ARFGEF3: variants seen among roughly 807,000 people sequenced by gnomAD.
The protein encoded by ARFGEF3 is brefeldin A-inhibited guanine nucleotide-exchange protein 3.
ARFGEF3 carries 96 observed loss-of-function variants against 221.7 expected under a neutral mutation model. That is an observed-to-expected ratio of 0.43 (90% confidence interval 0.37 to 0.51). ARFGEF3 has a LOEUF of 0.51. ARFGEF3 is among the 20% of genes least tolerant of loss of function. The probability of loss-of-function intolerance (pLI) is 0.00; values close to 1 mark genes in which losing one functional copy is unlikely to be tolerated. For missense variants in ARFGEF3, 2,410 were observed against 2,789.9 expected (o/e 0.86, Z 3.07); for synonymous variants, 1,145 against 1,126.8 (o/e 1.02, Z -0.32).
chr6:138,295,178 A>G (rs571980259), intron 20 of ARFGEF3, among the ~76,000 whole-genome samples: 4 of 152,288 alleles, frequency 2.6e-5, no homozygotes, highest in Admixed American at 1.3e-4. Context: ...ATCTAGAAAG[A>G]GGGAGACTTA....
rs6937474 is a variant in ARFGEF3 at position 138,174,000 on chromosome 6, G to T, written c.137+3287G>T. Among the ~76,000 whole-genome samples the T allele has an allele frequency of 6.4e-3, 971 of 152,262 alleles. 10 individuals carry two copies. Among genetic ancestry groups the T allele is most frequent in the African/African-American group, 0.022 (905 of 41,556 alleles). ...ACAATGAGATCTATCAAGCATTCTT[G>T]TACAGAGAATTGAACCATATGAATG... On this transcript the variant is annotated intron_variant, in intron 2 of 33. Coordinates refer to ENST00000251691, the MANE Select transcript of ARFGEF3 (RefSeq NM_020340.5).
chr6:138,234,281 C>A (rs985166997), intron 5 of ARFGEF3, among the ~76,000 whole-genome samples: 1 of 152,080 alleles, frequency 6.6e-6, no homozygotes, highest in Admixed American at 6.6e-5. Flanking sequence ...TTTTAATATG[C>A]CAACTTAAGC....
At chr6:138,176,372 G>A (rs563155170) in intron 2 of ARFGEF3, among the ~76,000 whole-genome samples, 81 of 152,070 alleles carry the variant, frequency 5.3e-4, no homozygotes, top group African/African-American at 1.9e-3. Flanking sequence ...TAGTAGAGAC[G>A]GAGTTTCACC....
chr6:138,203,205 C>T (rs1777568004), intron 2 of ARFGEF3, among the ~76,000 whole-genome samples: 1 of 152,064 alleles, frequency 6.6e-6, no homozygotes. Context: ...TTAAGAAGCA[C>T]ATCTATTCTA....
intron 2 of ARFGEF3, 28 bp from the exon 3 acceptor site, chr6:138,207,014 A>G: frequency 6.3e-7 from 1 of 1,580,686 alleles, no homozygotes; most frequent in Non-Finnish European, 8.6e-7. Flanking sequence ...CTGAGCTCAC[A>G]TGTTGTCCTT....
chr6:138,176,216 G>A (rs1228146709), intron 2 of ARFGEF3, among the ~76,000 whole-genome samples: 4 of 137,750 alleles, frequency 2.9e-5, no homozygotes, highest in African/African-American at 8.1e-5. Context: ...GAGTCTTGCT[G>A]TGTCACCCAG....
Position 138,278,457 on chromosome 6 carries a change from T to G in ARFGEF3, c.2135T>G (p.Met712Arg). 1 of 1,613,856 alleles carries G rather than the reference T, an allele frequency of 6.2e-7. No homozygotes were observed. Reference protein sequence around the residue: ...NFASTFCSGMMHSPGFDGNSS... With the variant: ...NFASTFCSGMRHSPGFDGNSS... The stretch of plus-strand genomic sequence containing the variant: ...CCTTCATTGTCTCCCTTAGGCATGA[T>G]GCACTCTCCTGGCTTTGACGGGAAT... Residue 712 changes from methionine (M) to arginine (R), a missense_variant, in exon 13 of 34, where the codon ATG (methionine) becomes AGG (arginine). Met to Arg is a moderately conservative substitution (Grantham distance 91). Transcript: ENST00000251691.
intron 3 of ARFGEF3, among the ~76,000 whole-genome samples, chr6:138,207,566 T>C (rs1253767397): frequency 6.6e-6 from 1 of 152,250 alleles, no homozygotes; most frequent in African/African-American, 2.4e-5. Context: ...TGGATTATTA[T>C]CTTTTATGTC....
intron 5 of ARFGEF3, among the ~76,000 whole-genome samples, chr6:138,233,853 G>A (rs1298815703): frequency 2.0e-5 from 3 of 152,102 alleles, no homozygotes; most frequent in African/African-American, 7.2e-5. Context: ...AGACTGGGAG[G>A]AGTAACCCCA....
chr6:138,276,063 C>T (rs750123428), intron 12 of ARFGEF3, among the ~76,000 whole-genome samples: 1 of 152,136 alleles, frequency 6.6e-6, no homozygotes. Context: ...GAACAAATGG[C>T]GCATTCATTG....
chr6:138,161,970 TG>T lies in ARFGEF3; in HGVS notation c.-112del. 2 of 372,784 alleles carry T rather than the reference TG, an allele frequency of 5.4e-6. No individual in the cohort carries two copies. The highest frequency in any genetic ancestry group is 8.7e-6 in the Non-Finnish European group (2 of 230,504). 23.1% of individuals were successfully genotyped at this position (372,784 alleles called of 1,614,324 possible). A position where few individuals can be genotyped will look rare whatever the true frequency, so the allele number is the denominator to read the frequency against. Reference sequence around the variant, plus strand: ...CATCAGCATCCGCGCCGGGGCGGCATGGGGGCGCGCGCGGCGGCCGCCTAGG... The same window carrying T: ...CATCAGCATCCGCGCCGGGGCGGCATGGGGCGCGCGCGGCGGCCGCCTAGG... On this transcript the variant is annotated 5_prime_UTR_variant, in exon 1 of 34. The change abolishes the stop of an existing upstream ORF in the 5' untranslated region. Coordinates refer to ENST00000251691, the MANE Select transcript of ARFGEF3 (RefSeq NM_020340.5).
At chr6:138,254,104 A>G (rs1275029058) in intron 9 of ARFGEF3, 120 bp downstream of exon 9, 8 of 623,686 alleles carry the variant, frequency 1.3e-5, no homozygotes, top group Non-Finnish European at 2.1e-5. Flanking sequence ...ATCTGTGCGT[A>G]AATGTCTTAG....
In ARFGEF3 at chr6:138,324,040, C is replaced by A. The variant is rs766879048; in HGVS notation, c.4887C>A (p.Phe1629Leu). ...LKPVKDLLGC[F>L]HSGTESFSGE... is the part of the protein sequence containing the mutation. ...CTCCCCAGGACCTGCTGGGCTGCTTCCACAGCGGCACGGAGAGCTTCAGCG... is the reference window on the plus strand; with the variant it reads ...CTCCCCAGGACCTGCTGGGCTGCTTACACAGCGGCACGGAGAGCTTCAGCG... The change falls in exon 31 of 34, where the codon TTC (phenylalanine) becomes TTA (leucine). Residue 1629 changes from phenylalanine (F) to leucine (L), a missense_variant. Coordinates refer to ENST00000251691, the MANE Select transcript of ARFGEF3 (RefSeq NM_020340.5). The A allele has an allele frequency of 6.2e-7, 1 of 1,613,774 alleles. No homozygotes were observed. Among genetic ancestry groups the A allele is most frequent in the Non-Finnish European group, 8.5e-7 (1 of 1,179,826 alleles).
intron 12 of ARFGEF3, among the ~76,000 whole-genome samples, chr6:138,265,958 G>A (rs1167116777): frequency 2.6e-5 from 4 of 151,978 alleles, no homozygotes; most frequent in African/African-American, 9.7e-5. Flanking sequence ...GCTCACACCT[G>A]CCATCCCAGC....
At chr6:138,247,217 C>G (rs1778500111) in intron 8 of ARFGEF3, among the ~76,000 whole-genome samples, 1 of 152,088 alleles carries the variant, frequency 6.6e-6, no homozygotes, top group Non-Finnish European at 1.5e-5. Flanking sequence ...GCTTAGGTGC[C>G]CATCTTTCCT....
chr6:138,203,120 C>T (rs1362119133), intron 2 of ARFGEF3, among the ~76,000 whole-genome samples: 1 of 151,946 alleles, frequency 6.6e-6, no homozygotes, highest in African/African-American at 2.4e-5. Context: ...TGATAGGCAC[C>T]CTCCTCTAGG....
chr6:138,207,011 C>T, intron 2 of ARFGEF3, 31 bp from the exon 3 acceptor site: 1 of 1,571,776 alleles, frequency 6.4e-7, no homozygotes, highest in South Asian at 1.2e-5. Context: ...TTACTGAGCT[C>T]ACATGTTGTC....
intron 2 of ARFGEF3, among the ~76,000 whole-genome samples, chr6:138,186,952 G>T (rs554613055): frequency 4.2e-5 from 3 of 71,438 alleles, no homozygotes; most frequent in Non-Finnish European, 7.8e-5. Flanking sequence ...TTTCACTCTT[G>T]TTGCCCAGGC....
Position 138,328,172 on chromosome 6 carries a change from G to A in ARFGEF3, c.5123+30G>A, listed in dbSNP as rs887607240. 3.9e-6 allele frequency: 6 copies of A among 1,557,934 alleles called. No homozygotes were observed. The African/African-American group carries it at 8.2e-5, about 21-fold the overall frequency. ...GTACCTAAATCTCAACTCATAGGGT[G>A]CTTATAAATAAGAATGTTCATTCAC... is the stretch of plus-strand genomic sequence containing the variant. On this transcript the variant is annotated intron_variant, in intron 32 of 33. Transcript: ENST00000251691.
Sources: allele counts gnomAD v4.1 joint callset (sites outside exome capture counted in the v4.1 genomes callset), GRCh38; gene constraint gnomAD v4.1.1; transcripts MANE v1.5; gene names NCBI Gene and HGNC (gene_info 2026-07-23, HGNC 2026-07-21).